USF3: variants seen among roughly 807,000 people sequenced by gnomAD.
The protein encoded by USF3 is basic helix-loop-helix domain-containing protein USF3.
Under a neutral mutation model 157.5 loss-of-function variants are expected in USF3, and 29 were observed. The ratio of observed to expected loss-of-function variants is 0.18; its 90% CI spans 0.14 to 0.25. The LOEUF is 0.25. Among genes scored for constraint, USF3 ranks in the 10% least tolerant of loss-of-function variants. The pLI is 1.00. For missense variants in USF3, 2,381 were observed against 2,667.6 expected (o/e 0.89, Z 2.37); for synonymous variants, 893 against 941.4 (o/e 0.95, Z 0.94).
chr3:113,657,941 C>G lies in USF3; in HGVS notation c.3741G>C (p.Gln1247His), dbSNP rs1947398265. The change falls in exon 7 of 7, where the codon CAG becomes CAC. Residue 1247 changes from glutamine to histidine, a missense_variant. Physicochemically the swap from Gln to His is conservative, Grantham distance 24. Coordinates refer to ENST00000316407, the MANE Select transcript of USF3 (RefSeq NM_001009899.4). ...TGGCCAGAGGATGGCTGATGCTGCTCTGATGGATAAGATTATTCACACTTA... is the reference window on the plus strand; with the variant it reads ...TGGCCAGAGGATGGCTGATGCTGCTGTGATGGATAAGATTATTCACACTTA... ...TSLSVNNLIH[Q>H]SSISHPLASC... 2 of 1,614,000 alleles carry G rather than the reference C, an allele frequency of 1.2e-6. No homozygotes were observed. Among genetic ancestry groups the G allele is most frequent in the African/African-American group, 2.7e-5 (2 of 74,886 alleles).
chr3:113,686,944 T>C (rs1707563525), intron 1 of USF3, among the ~76,000 whole-genome samples: 1 of 152,198 alleles, frequency 6.6e-6, no homozygotes, highest in African/African-American at 2.4e-5. Context: ...GTTCTTTATA[T>C]TTTGGAAGTG....
Position 113,658,000 on chromosome 3 carries a change from C to T in USF3, c.3682G>A (p.Asp1228Asn), listed in dbSNP as rs370472347. 2 of 1,614,120 alleles carry T rather than the reference C, an allele frequency of 1.2e-6. No homozygotes were observed. The highest frequency in any genetic ancestry group is 2.7e-5 in the African/African-American group (2 of 75,030). ...ATGCTTGGTGGCTGAGAAGTTGAATCCTGTAAAGATGCATTTGATGTTTTA... is the reference window on the plus strand; with the variant it reads ...ATGCTTGGTGGCTGAGAAGTTGAATTCTGTAAAGATGCATTTGATGTTTTA... ...GIKTSNASLQDSTSQPPSITS... is the reference protein window; with the variant it reads ...GIKTSNASLQNSTSQPPSITS... The change falls in exon 7 of 7, where the codon GAT (aspartate) becomes AAT (asparagine). Residue 1228 changes from aspartate to asparagine, a missense_variant. Physicochemically the swap from Asp to Asn is conservative, Grantham distance 23. This residue lies in a region of USF3 where 1,435 missense variants were observed against 1,550.9 expected (regional missense o/e 0.93). Transcript: ENST00000316407.
Position 113,655,860 on chromosome 3 carries a change from G to T in USF3, c.5822C>A (p.Thr1941Asn), listed in dbSNP as rs779809724. Residue 1941 changes from threonine to asparagine, a missense_variant, in exon 7 of 7, where the codon ACC becomes AAC. Around this residue, in one of 6 missense-constraint regions of USF3, gnomAD observed 770 missense variants for 824.2 expected, o/e 0.93. Transcript: ENST00000316407. The part of the protein sequence containing the change: ...TKGHMNPPVT[T>N]NMHGVARPAL... ...TGGCCTTGCAACCCCATGCATGTTG[G>T]TTGTGACTGGAGGGTTCATGTGGCC... is the stretch of plus-strand genomic sequence containing the variant. 2 of 1,614,160 alleles carry T rather than the reference G, an allele frequency of 1.2e-6. No homozygotes were observed. Among genetic ancestry groups the T allele is most frequent in the Non-Finnish European group, 1.7e-6 (2 of 1,180,034 alleles).
chr3:113,677,103 G>C (rs1707298767), intron 2 of USF3, among the ~76,000 whole-genome samples, 179 bp downstream of exon 2: 1 of 152,294 alleles, frequency 6.6e-6, no homozygotes, highest in African/African-American at 2.4e-5. Context: ...GAAGCAGCCT[G>C]TCGAGAAATG....
chr3:113,655,178 A>C lies in USF3; in HGVS notation c.6504T>G (p.Ser2168Arg), dbSNP rs1947331447. ...GTGGCATATCTGGGAGAAGAGGAAA[A>C]CTTGGTTGAGCAAACCCAACAGGTC... is the stretch of plus-strand genomic sequence containing the variant. ...PPRPVGFAQP[S>R]FPLLPDMPPM... Residue 2168 changes from serine to arginine, a missense_variant, in exon 7 of 7, where the codon AGT becomes AGG. Ser to Arg is a moderately radical substitution (Grantham distance 110). Around this residue, in one of 6 missense-constraint regions of USF3, gnomAD observed 770 missense variants for 824.2 expected, o/e 0.93. Transcript: ENST00000316407. 1 of 1,614,212 alleles carries C rather than the reference A, an allele frequency of 6.2e-7. No individual in the cohort carries two copies. The highest frequency in any genetic ancestry group is 8.5e-7 in the Non-Finnish European group (1 of 1,180,034).
intron 1 of USF3, among the ~76,000 whole-genome samples, chr3:113,688,407 T>C (rs551598340): frequency 1.3e-4 from 20 of 152,330 alleles, no homozygotes; most frequent in Non-Finnish European, 2.4e-4. Context: ...CATGAGCCAC[T>C]GCACCTGGCC....
At position 113,659,043 on chromosome 3, in the gene USF3, A is replaced by G. The variant is rs1312098164; in HGVS notation, c.2639T>C (p.Val880Ala). 6.2e-7 allele frequency: 1 copy of G among 1,614,148 alleles called. No individual in the cohort carries two copies. The change falls in exon 7 of 7, where the codon GTA becomes GCA. Residue 880 changes from valine (V) to alanine (A), a missense_variant. Val to Ala is a moderately conservative substitution (Grantham distance 64, BLOSUM62 0). Coordinates refer to ENST00000316407, the MANE Select transcript of USF3 (RefSeq NM_001009899.4). ...CTTTTCTGCTGACTTAGATTTCGAT[A>G]CAGACTCAGGTATTAATGATTCAGA... ...LSSESLIPES[V>A]SKSKSAEKSS... is the part of the protein sequence containing the mutation.
intron 2 of USF3, among the ~76,000 whole-genome samples, chr3:113,675,187 A>G (rs1188354380): frequency 6.6e-6 from 1 of 152,178 alleles, no homozygotes; most frequent in Non-Finnish European, 1.5e-5. Flanking sequence ...AGAAAAGCTT[A>G]AAGGGGATGT....
chr3:113,693,835 T>C (rs1707742597), intron 1 of USF3, among the ~76,000 whole-genome samples: 2 of 152,136 alleles, frequency 1.3e-5, no homozygotes, highest in South Asian at 2.1e-4. Context: ...TAGGGAGGAA[T>C]AGAGGAAAGG....
At chr3:113,678,764 T>G (rs1707340528) in intron 1 of USF3, among the ~76,000 whole-genome samples, 1 of 152,226 alleles carries the variant, frequency 6.6e-6, no homozygotes, top group African/African-American at 2.4e-5. Context: ...AAAATGTTTT[T>G]AGAGACAGGA....
chr3:113,665,184 AG>A (rs1293201284), intron 5 of USF3, among the ~76,000 whole-genome samples: 1 of 152,210 alleles, frequency 6.6e-6, no homozygotes, highest in African/African-American at 2.4e-5. Flanking sequence ...TCCAGACAGC[AG>A]GATCAGAAGG....
At position 113,670,155 on chromosome 3, in the gene USF3, CCTATT is replaced by C. The variant is rs1341054931; in HGVS notation, c.120_124del (p.Ile41ArgfsTer22). ...GGCAGGAGAACATGGGATCAGCTCT[CCTATT>C]CTGTTTATCCCAGCATTAATTTTCT... is the stretch of plus-strand genomic sequence containing the variant. On this transcript the variant is annotated frameshift_variant, in exon 5 of 7. Transcript: ENST00000316407. LOFTEE classifies it high-confidence loss of function. 6.2e-7 allele frequency: 1 copy of C among 1,613,528 alleles called. No homozygotes were observed. Among genetic ancestry groups the C allele is most frequent in the Non-Finnish European group, 8.5e-7 (1 of 1,179,440 alleles).
intron 1 of USF3, among the ~76,000 whole-genome samples, chr3:113,688,938 G>A (rs536847768): frequency 6.6e-5 from 10 of 152,256 alleles, no homozygotes; most frequent in Admixed American, 2.0e-4. Context: ...GGCTGAGGCC[G>A]GAGAATGGTA....
chr3:113,649,727 G>C lies in USF3; in HGVS notation c.*5217C>G. The stretch of plus-strand genomic sequence containing the variant: ...CAGTTTCAGGTAAAGTGCAGGAACA[G>C]GGTAGAGGCTACAGGTGGAAAGATC... On this transcript the variant is annotated 3_prime_UTR_variant, in exon 7 of 7. Transcript: ENST00000316407. The C allele has an allele frequency of 1.5e-6, 1 of 681,134 alleles. No individual in the cohort carries two copies. The highest frequency in any genetic ancestry group is 1.6e-5 in the South Asian group (1 of 63,392). The allele number at this position is 681,134 out of a possible 1,614,324, so 42.2% of individuals were successfully genotyped here.
rs1312507025 is a variant in USF3 at position 113,660,076 on chromosome 3, C to T, written c.1606G>A (p.Ala536Thr). Residue 536 changes from alanine to threonine, a missense_variant, in exon 7 of 7, where the codon GCT becomes ACT. By Grantham distance (58) the Ala-to-Thr change is moderately conservative (BLOSUM62 0). Around this residue, in one of 6 missense-constraint regions of USF3, gnomAD observed 1,435 missense variants for 1,550.9 expected, o/e 0.93. Coordinates refer to ENST00000316407, the MANE Select transcript of USF3 (RefSeq NM_001009899.4). ...TTAACAGCTGACCCAACTGGCTGAG[C>T]CATCTGAATCACTTGCATTGCTGAA... ...LNSAMQVIQM[A>T]QPVGSAVNSA... 4 of 1,614,166 alleles carry T rather than the reference C, an allele frequency of 2.5e-6. No individual in the cohort carries two copies. The South Asian group carries it at 4.4e-5, about 18-fold the overall frequency.
chr3:113,660,708 T>C lies in USF3; in HGVS notation c.974A>G (p.Gln325Arg). Residue 325 changes from glutamine (Q) to arginine (R), a missense_variant, in exon 7 of 7, where the codon CAG becomes CGG. By Grantham distance (43) the Gln-to-Arg change is conservative. Coordinates refer to ENST00000316407, the MANE Select transcript of USF3 (RefSeq NM_001009899.4). ...HHGNKSCLSI[Q>R]DFRGDFQNTF... ...GTTTTGAAAATCACCTCTGAAGTCC[T>C]GTATGCTCAGGCAGGACTTGTTTCC... 1 of 1,614,240 alleles carries C rather than the reference T, an allele frequency of 6.2e-7. No individual in the cohort carries two copies.
At position 113,658,726 on chromosome 3, in the gene USF3, C is replaced by T. The variant is rs1367132274; in HGVS notation, c.2956G>A (p.Glu986Lys). Residue 986 changes from glutamate to lysine, a missense_variant, in exon 7 of 7, where the codon GAG (glutamate) becomes AAG (lysine). By Grantham distance (56) the Glu-to-Lys change is moderately conservative (BLOSUM62 1). This residue lies in a region of USF3 where 1,435 missense variants were observed against 1,550.9 expected (regional missense o/e 0.93). Transcript: ENST00000316407. ...VEIIAEPCRV[E>K]QDSSDTMQTT... The stretch of plus-strand genomic sequence containing the variant: ...TGCATTGTATCTGATGAATCTTGCT[C>T]AACTCTGCAAGGTTCAGCAATGATT... 6.2e-7 allele frequency: 1 copy of T among 1,613,878 alleles called. No homozygotes were observed.
Position 113,658,336 on chromosome 3 carries a change from C to T in USF3, c.3346G>A (p.Ala1116Thr), listed in dbSNP as rs748574077. The T allele has an allele frequency of 6.2e-7, 1 of 1,614,170 alleles. No homozygotes were observed. The highest frequency in any genetic ancestry group is 2.2e-5 in the East Asian group (1 of 44,890). The change falls in exon 7 of 7, where the codon GCA becomes ACA. Residue 1116 changes from alanine to threonine, a missense_variant. Transcript: ENST00000316407. ...CAGCTGTCACATGTATTAGTTGTTG[C>T]ATTGCTGGTCACATCTTCTCTTGTT... is the stretch of plus-strand genomic sequence containing the variant. ...ETTREDVTSN[A>T]TTNTCDSCTF...
At position 113,658,104 on chromosome 3, in the gene USF3, G is replaced by T. The variant is rs779806841; in HGVS notation, c.3578C>A (p.Pro1193Gln). 9.9e-6 allele frequency: 16 copies of T among 1,614,104 alleles called. No homozygotes were observed. In the South Asian group the frequency reaches 1.8e-4, roughly 18 times the overall value. The change falls in exon 7 of 7, where the codon CCA (proline) becomes CAA (glutamine). Residue 1193 changes from proline (P) to glutamine (Q), a missense_variant. Pro to Gln is a moderately conservative substitution (Grantham distance 76). Transcript: ENST00000316407. ...TGAACCCTGAGAATTAAATTCATTTGGTGTTGCTTCTGCCTGTCCTGTGCC... is the reference window on the plus strand; with the variant it reads ...TGAACCCTGAGAATTAAATTCATTTTGTGTTGCTTCTGCCTGTCCTGTGCC... Reference protein sequence around the residue: ...ESGTGQAEATPNEFNSQGSIE... With the variant: ...ESGTGQAEATQNEFNSQGSIE...
Sources: gnomAD v4.1 joint callset for allele counts (sites outside exome capture counted in the v4.1 genomes callset) on GRCh38, gnomAD v4.1.1 for gene constraint, gnomAD v4.1.1 regional missense constraint, MANE v1.5 for transcripts, NCBI Gene and HGNC (gene_info 2026-07-23, HGNC 2026-07-21) for gene names.